The following SERINC5 variants were observed in gnomAD, a reference collection of about 807,000 sequenced individuals.
The protein encoded by SERINC5 is chromosome 5 open reading frame 12.
SERINC5 carries 41 observed loss-of-function variants against 63.1 expected under a neutral mutation model. The ratio of observed to expected loss-of-function variants is 0.65; its 90% CI spans 0.51 to 0.84. The LOEUF (loss-of-function observed/expected upper bound fraction) is 0.84, where lower values mean the gene tolerates loss of function less well. SERINC5 is among the 40% of genes least tolerant of loss of function. SERINC5 has a pLI of 0.00. For synonymous variants in SERINC5, 222 were observed against 215.2 expected, an observed-to-expected ratio of 1.03 and a Z score of -0.28; for missense variants, 523 against 573.0, an observed-to-expected ratio of 0.91 and a Z score of 0.89.
At chr5:80,153,401 G>GA (rs1409565709) in intron 8 of SERINC5, among the ~76,000 whole-genome samples, 92 of 142,106 alleles carry the variant, frequency 6.5e-4, no homozygotes, top group African/African-American at 1.5e-3. Flanking sequence ...GATGTTGCAG[G>GA]AAAAAAAAAA....
At chr5:80,242,604 G>A (rs1751994933) in intron 1 of SERINC5, among the ~76,000 whole-genome samples, 2 of 152,172 alleles carry the variant, frequency 1.3e-5, no homozygotes, top group Admixed American at 6.5e-5. Context: ...ACAAAAATTA[G>A]CCAAGTGTAG....
At chr5:80,125,938 T>A (rs1264150618) in intron 11 of SERINC5, among the ~76,000 whole-genome samples, 1 of 152,204 alleles carries the variant, frequency 6.6e-6, no homozygotes, top group African/African-American at 2.4e-5. Context: ...ATCACAAGGC[T>A]GAATCAAAAG....
At chr5:80,116,072 A>G in intron 11 of SERINC5, 1 of 342,062 alleles carries the variant, frequency 2.9e-6, no homozygotes, top group South Asian at 2.3e-5. Flanking sequence ...GCTGGGGCTG[A>G]TGGATGAGGG....
intron 7 of SERINC5, among the ~76,000 whole-genome samples, chr5:80,160,968 A>ATATGTATATATGTGTG: frequency 6.7e-6 from 1 of 149,456 alleles, no homozygotes; most frequent in African/African-American, 2.5e-5. Flanking sequence ...GTGTGTGTAT[A>ATATGTATATATGTGTG]TATATGTATA....
chr5:80,157,984 C>A (rs960538068), intron 8 of SERINC5: 1 of 152,132 alleles, frequency 6.6e-6, no homozygotes, highest in Non-Finnish European at 1.5e-5. Flanking sequence ...CAAGCTATCA[C>A]CACCAGGAGT....
At chr5:80,224,906 G>A (rs978742712) in intron 1 of SERINC5, among the ~76,000 whole-genome samples, 3 of 148,150 alleles carry the variant, frequency 2.0e-5, no homozygotes, top group African/African-American at 7.5e-5. Flanking sequence ...TTACAGGCGT[G>A]AGCCATCACG....
At chr5:80,182,162 G>C (rs1748471772) in intron 2 of SERINC5, among the ~76,000 whole-genome samples, 1 of 152,148 alleles carries the variant, frequency 6.6e-6, no homozygotes, top group African/African-American at 2.4e-5. Context: ...ACTCCACATA[G>C]CTGGTGGCTT....
At chr5:80,226,043 G>GAA (rs57623969) in intron 1 of SERINC5, among the ~76,000 whole-genome samples, 41 of 145,666 alleles carry the variant, frequency 2.8e-4, no homozygotes, top group East Asian at 6.1e-4. Context: ...CTCCCCAAAG[G>GAA]AAAAAAAAAA....
intron 8 of SERINC5, chr5:80,156,982 GTTTTTTTTTTCTTTTTTT>G (rs1166519883): frequency 7.3e-6 from 1 of 136,724 alleles, no homozygotes; most frequent in Non-Finnish European, 1.6e-5. Flanking sequence ...TATTTAAAGG[GTTTTTTTTTTCTTTTTTT>G]TTTTTTTTTT....
At chr5:80,252,326 C>G (rs909416422) in intron 1 of SERINC5, among the ~76,000 whole-genome samples, 4 of 152,136 alleles carry the variant, frequency 2.6e-5, no homozygotes, top group African/African-American at 9.7e-5. Flanking sequence ...TCCCAAAGTG[C>G]TGGGATTACA....
At chr5:80,182,809 G>T (rs1748538706) in intron 2 of SERINC5, among the ~76,000 whole-genome samples, 1 of 152,132 alleles carries the variant, frequency 6.6e-6, no homozygotes, top group South Asian at 2.1e-4. Context: ...GCCTCCCAAA[G>T]TTCTGGGATT....
rs1561362994 is a variant in SERINC5 at position 80,143,430 on chromosome 5, T to C, written c.*233A>G. On this transcript the variant is annotated 3_prime_UTR_variant, in exon 12 of 12. Coordinates refer to ENST00000507668, the MANE Select transcript of SERINC5 (RefSeq NM_001174072.3). Reference sequence around the variant, plus strand: ...TGGTATCCAGTTCCTAGGGGTAAGATATTTCAACCATGATCAGTTTGGTTG... The same window carrying C: ...TGGTATCCAGTTCCTAGGGGTAAGACATTTCAACCATGATCAGTTTGGTTG... 1.6e-6 allele frequency: 2 copies of C among 1,279,018 alleles called. No homozygotes were observed. The highest frequency in any genetic ancestry group is 2.0e-6 in the Non-Finnish European group (2 of 1,012,888). 79.2% of individuals were successfully genotyped at this position (1,279,018 alleles called of 1,614,324 possible).
Position 80,138,740 on chromosome 5 carries a change from A to T in SERINC5, c.*4923T>A. On this transcript the variant is annotated 3_prime_UTR_variant, in exon 12 of 12. Transcript: ENST00000507668. ...CAAAACATCATGTTGCACACCACAG[A>T]TATATATCTTTTATTTGTCAATTAA... 20 of 834,696 alleles carry T rather than the reference A, an allele frequency of 2.4e-5. No individual in the cohort carries two copies. The highest frequency in any genetic ancestry group is 2.9e-5 in the Non-Finnish European group (20 of 692,674). 51.7% of individuals were successfully genotyped at this position (834,696 alleles called of 1,614,324 possible).
intron 2 of SERINC5, among the ~76,000 whole-genome samples, chr5:80,194,850 G>C (rs991788054): frequency 6.6e-6 from 1 of 152,138 alleles, no homozygotes; most frequent in African/African-American, 2.4e-5. Flanking sequence ...CTGGCCAGGC[G>C]ACCAGCAGCC....
At chr5:80,244,335 C>T (rs1183963086) in intron 1 of SERINC5, among the ~76,000 whole-genome samples, 1 of 151,898 alleles carries the variant, frequency 6.6e-6, no homozygotes, top group Non-Finnish European at 1.5e-5. Flanking sequence ...CCAGCCTCAA[C>T]CTCCTGAGTA....
chr5:80,189,387 G>C (rs574186186), intron 2 of SERINC5, among the ~76,000 whole-genome samples: 2 of 152,188 alleles, frequency 1.3e-5, no homozygotes, highest in African/African-American at 4.8e-5. Flanking sequence ...AAGCCGGGAA[G>C]AGAGTGAATA....
Position 80,142,207 on chromosome 5 carries a change from C to T in SERINC5, c.*1456G>A. 1 of 985,264 alleles carries T rather than the reference C, an allele frequency of 1.0e-6. No individual in the cohort carries two copies. The highest frequency in any genetic ancestry group is 1.2e-6 in the Non-Finnish European group (1 of 829,870). The allele number at this position is 985,264 out of a possible 1,614,324, so 61.0% of individuals were successfully genotyped here. A position where few individuals can be genotyped will look rare whatever the true frequency, so the allele number is the denominator to read the frequency against. Reference sequence around the variant, plus strand: ...TTTTCCCTGCCTGAATACATCAACACTGAAAATAGGCATCATCTTGGGTAG... The same window carrying T: ...TTTTCCCTGCCTGAATACATCAACATTGAAAATAGGCATCATCTTGGGTAG... On this transcript the variant is annotated 3_prime_UTR_variant, in exon 12 of 12. Transcript: ENST00000507668.
intron 2 of SERINC5, among the ~76,000 whole-genome samples, chr5:80,195,847 C>T (rs1019681129): frequency 2.0e-5 from 3 of 152,188 alleles, no homozygotes; most frequent in South Asian, 2.1e-4. Context: ...ACAGTCACTA[C>T]ACTGTGGTGA....
At chr5:80,172,819 T>C (rs2112396232) in intron 5 of SERINC5, among the ~76,000 whole-genome samples, 1 of 152,298 alleles carries the variant, frequency 6.6e-6, no homozygotes, top group South Asian at 2.1e-4. Flanking sequence ...CCAACGCTTC[T>C]ATTCACTAGT....
Sources: gnomAD v4.1 joint callset for allele counts (sites outside exome capture counted in the v4.1 genomes callset) on GRCh38, gnomAD v4.1.1 for gene constraint, MANE v1.5 for transcripts, NCBI Gene and HGNC (gene_info 2026-07-23, HGNC 2026-07-21) for gene names.